The following STPG2 variants were observed in gnomAD, a reference collection of about 807,000 sequenced individuals.
STPG2 encodes the protein sperm-tail PG-rich repeat-containing protein 2.
STPG2 carries 56 observed loss-of-function variants against 54.2 expected under a neutral mutation model. That is an observed-to-expected ratio of 1.03 (90% CI 0.83 to 1.29). STPG2 has a LOEUF of 1.29. STPG2 is among the 50% of genes most tolerant of loss of function. The probability of loss-of-function intolerance (pLI) is 0.00; values close to 1 mark genes in which losing one functional copy is unlikely to be tolerated. For missense variants in STPG2, 596 were observed against 544.9 expected (o/e 1.09, Z -0.93); for synonymous variants, 200 against 181.8 (o/e 1.10, Z -0.81).
At chr4:97,807,692 A>G (rs764350801) in intron 9 of STPG2, among the ~76,000 whole-genome samples, 5 of 151,954 alleles carry the variant, frequency 3.3e-5, no homozygotes, top group Non-Finnish European at 7.4e-5. Context: ...TTGGAATTGA[A>G]AAGTGGGCAG....
intron 10 of STPG2, among the ~76,000 whole-genome samples, chr4:97,639,949 C>T (rs1481085459): frequency 6.6e-6 from 1 of 151,966 alleles, no homozygotes; most frequent in African/African-American, 2.4e-5. Context: ...CATATAGTAA[C>T]TTATTTAACA....
intron 4 of STPG2, among the ~76,000 whole-genome samples, chr4:97,507,564 A>C (rs988372065): frequency 6.6e-6 from 1 of 152,024 alleles, no homozygotes; most frequent in Non-Finnish European, 1.5e-5. Flanking sequence ...ATCCTCCATA[A>C]GACTGCCCTC....
At chr4:97,901,480 C>G (rs1402625321) in intron 8 of STPG2, among the ~76,000 whole-genome samples, 1 of 151,874 alleles carries the variant, frequency 6.6e-6, no homozygotes, top group Non-Finnish European at 1.5e-5. Context: ...ACTAATAATA[C>G]AGTAATGTTA....
intron 5 of STPG2, among the ~76,000 whole-genome samples, chr4:98,016,587 G>T (rs954726425): frequency 6.6e-6 from 1 of 151,982 alleles, no homozygotes; most frequent in African/African-American, 2.4e-5. Flanking sequence ...GTGTCCTTCA[G>T]CTCCACAATT....
At chr4:97,792,413 G>T (rs2149081652) in intron 9 of STPG2, among the ~76,000 whole-genome samples, 1 of 152,168 alleles carries the variant, frequency 6.6e-6, no homozygotes, top group East Asian at 1.9e-4. Flanking sequence ...TATACTCCGT[G>T]CTTTACCTTT....
intron 10 of STPG2, among the ~76,000 whole-genome samples, chr4:97,658,390 C>T (rs909394925): frequency 6.6e-6 from 1 of 152,132 alleles, no homozygotes; most frequent in Non-Finnish European, 1.5e-5. Context: ...ATAATTTATG[C>T]TTTTGACAAT....
chr4:98,115,488 A>C (rs1174046643), intron 3 of STPG2, among the ~76,000 whole-genome samples: 1 of 152,010 alleles, frequency 6.6e-6, no homozygotes, highest in Non-Finnish European at 1.5e-5. Flanking sequence ...AATTTAGCTA[A>C]AGTTTAACAT....
chr4:97,913,658 A>G (rs1461286660), intron 8 of STPG2, among the ~76,000 whole-genome samples: 1 of 152,192 alleles, frequency 6.6e-6, no homozygotes, highest in African/African-American at 2.4e-5. Context: ...ACACCTCCAC[A>G]TTATGGAATA....
chr4:97,929,415 T>G (rs192053601), intron 8 of STPG2, among the ~76,000 whole-genome samples: 11 of 152,326 alleles, frequency 7.2e-5, no homozygotes, highest in Admixed American at 6.5e-4. Context: ...CTGGGTTGAA[T>G]GGGATTTCTG....
At chr4:97,560,472 G>T (rs1388690822) in intron 10 of STPG2, among the ~76,000 whole-genome samples, 1 of 152,030 alleles carries the variant, frequency 6.6e-6, no homozygotes, top group Non-Finnish European at 1.5e-5. Flanking sequence ...AAAGAACTAG[G>T]TACTCTTTGT....
chr4:97,871,381 A>C (rs1729984151), intron 8 of STPG2, among the ~76,000 whole-genome samples: 2 of 150,732 alleles, frequency 1.3e-5, no homozygotes, highest in South Asian at 4.2e-4. Context: ...TTAACAAAAT[A>C]ATCACACCAG....
At chr4:98,081,543 A>G (rs1738345291) in intron 5 of STPG2, among the ~76,000 whole-genome samples, 1 of 152,218 alleles carries the variant, frequency 6.6e-6, no homozygotes, top group Non-Finnish European at 1.5e-5. Flanking sequence ...TAACCATGAG[A>G]ATTTCTGGAT....
At chr4:97,973,042 T>A (rs897866687) in intron 6 of STPG2, among the ~76,000 whole-genome samples, 1 of 152,182 alleles carries the variant, frequency 6.6e-6, no homozygotes, top group Non-Finnish European at 1.5e-5. Flanking sequence ...CCTGAAAATG[T>A]TGAAGCAACT....
chr4:97,520,489 A>G (rs189466224), intron 4 of STPG2, among the ~76,000 whole-genome samples: 26 of 152,204 alleles, frequency 1.7e-4, no homozygotes, highest in Non-Finnish European at 3.7e-4. Context: ...CCACCTTTGG[A>G]TCCTCTTATG....
chr4:97,686,117 T>A lies in STPG2; in HGVS notation c.1320+26582A>T, dbSNP rs191530191. 5.9e-5 allele frequency among the ~76,000 whole-genome samples: 9 copies of A among 152,320 alleles called. No homozygotes were observed. In the East Asian group the frequency reaches 1.7e-3, roughly 29 times the overall value. On this transcript the variant is annotated intron_variant, in intron 10 of 10. Transcript: ENST00000295268. ...AAATGCACTCCTTATAAAATGGAAA[T>A]CCACTAAATGTTCTCATGTCATGAA...
At chr4:97,555,348 A>C (rs558539825), downstream of STPG2, among the ~76,000 whole-genome samples, 5 of 152,256 alleles carry the variant, frequency 3.3e-5, no homozygotes, top group East Asian at 9.7e-4. Flanking sequence ...CTTATGTTAC[A>C]GGGAGTCCCA....
intron 8 of STPG2, among the ~76,000 whole-genome samples, chr4:97,844,483 C>A (rs1280559717): frequency 6.6e-6 from 1 of 151,918 alleles, no homozygotes; most frequent in Non-Finnish European, 1.5e-5. Flanking sequence ...TACTCTCAGC[C>A]TTTTGCATGT....
At chr4:97,758,077 C>T (rs1338934083) in intron 9 of STPG2, among the ~76,000 whole-genome samples, 1 of 152,052 alleles carries the variant, frequency 6.6e-6, no homozygotes, top group Admixed American at 6.6e-5. Context: ...GAATTACTGG[C>T]CTACAGTCTT....
At chr4:97,613,517 T>TGTGC (rs1733784233) in intron 10 of STPG2, among the ~76,000 whole-genome samples, 1 of 143,422 alleles carries the variant, frequency 7.0e-6, no homozygotes, top group South Asian at 2.3e-4. Context: ...TGTGTGTGTG[T>TGTGC]GTATGCACGT....
Sources: gnomAD v4.1 joint callset for allele counts (sites outside exome capture counted in the v4.1 genomes callset) on GRCh38, gnomAD v4.1.1 for gene constraint, MANE v1.5 for transcripts, NCBI Gene and HGNC (gene_info 2026-07-23, HGNC 2026-07-21) for gene names.